Variants in POLN observed in about 807,000 individuals in gnomAD.
The protein encoded by POLN is DNA polymerase N.
A neutral mutation model predicts 113.5 loss-of-function variants in POLN; 108 were observed. The observed-to-expected ratio is 0.95, with a 90% CI of 0.81 to 1.12. The LOEUF (loss-of-function observed/expected upper bound fraction) is 1.12, where lower values mean the gene tolerates loss of function less well. Among genes scored for constraint, POLN ranks in the 50% most tolerant of loss-of-function variants. The pLI is 0.00. For synonymous variants in POLN, 386 were observed against 391.5 expected, an observed-to-expected ratio of 0.99 and a Z score of 0.17; for missense variants, 1,097 against 1,077.1, an observed-to-expected ratio of 1.02 and a Z score of -0.26.
Position 2,159,119 on chromosome 4 carries a change from AC to A in POLN, c.1611+35del, listed in dbSNP as rs745421509. 5.4e-6 allele frequency: 8 copies of A among 1,485,400 alleles called. No individual in the cohort carries two copies. The Admixed American group carries it at 8.4e-5, about 16-fold the overall frequency. The allele number at this position is 1,485,400 out of a possible 1,614,324, so 92.0% of individuals were successfully genotyped here. On this transcript the variant is annotated intron_variant, in intron 14 of 25. Transcript: ENST00000511885. ...CAGGGCCATATGGTTCCCCCTCATC[AC>A]CTTTTACCTTTTACGTACAAAAAAA...
intron 19 of POLN, among the ~76,000 whole-genome samples, chr4:2,113,830 C>T (rs1047792545): frequency 1.1e-4 from 16 of 150,028 alleles, no homozygotes; most frequent in African/African-American, 3.9e-4. Flanking sequence ...TGCGTGCTGG[C>T]CTGGGTGACA....
At chr4:2,123,729 T>C (rs1365882873) in intron 19 of POLN, among the ~76,000 whole-genome samples, 4 of 150,782 alleles carry the variant, frequency 2.7e-5, no homozygotes, top group African/African-American at 9.8e-5. Flanking sequence ...CACTCAAACC[T>C]GGGAGGCAGA....
At chr4:2,128,066 T>G (rs763585942) in intron 19 of POLN, 47 bp downstream of exon 19, 2 of 1,223,602 alleles carry the variant, frequency 1.6e-6, no homozygotes, top group South Asian at 2.5e-5. Context: ...TAAACTCATG[T>G]TGGCCTTCCT....
intron 5 of POLN, among the ~76,000 whole-genome samples, chr4:2,206,619 T>G (rs1249274640): frequency 6.6e-6 from 1 of 152,180 alleles, no homozygotes; most frequent in Non-Finnish European, 1.5e-5. Context: ...AAAGAAGATA[T>G]ACAACTGGCC....
At chr4:2,225,936 G>C (rs780622955) in intron 3 of POLN, among the ~76,000 whole-genome samples, 1 of 151,968 alleles carries the variant, frequency 6.6e-6, no homozygotes, top group African/African-American at 2.4e-5. Context: ...GGGAGGTTCA[G>C]GCTGCAATGA....
At position 2,156,950 on chromosome 4, in the gene POLN, C is replaced by A. The variant is rs547193000; in HGVS notation, c.1666-97G>T. 41 of 1,005,714 alleles carry A rather than the reference C, an allele frequency of 4.1e-5. No individual in the cohort carries two copies. The African/African-American group carries it at 4.7e-4, about 11-fold the overall frequency. The allele number at this position is 1,005,714 out of a possible 1,614,324, so 62.3% of individuals were successfully genotyped here. A position where few individuals can be genotyped will look rare whatever the true frequency, so the allele number is the denominator to read the frequency against. ...CACTCACAACATGCAACACTCGCTGCTCCTCCAGAGGCCAACAAGCTGCTG... is the reference window on the plus strand; with the variant it reads ...CACTCACAACATGCAACACTCGCTGATCCTCCAGAGGCCAACAAGCTGCTG... On this transcript the variant is annotated intron_variant, in intron 15 of 25. Transcript: ENST00000511885.
intron 16 of POLN, among the ~76,000 whole-genome samples, chr4:2,147,632 G>GTTTTTTTTTTTTTTTTTTTTTTTTTTT (rs1047968546): frequency 1.8e-5 from 1 of 56,382 alleles, no homozygotes. Context: ...CAGACATCCA[G>GTTTTTTTTTTTTTTTTTTTTTTTTTTT]TTTTTCTTTT....
intron 7 of POLN, among the ~76,000 whole-genome samples, chr4:2,190,385 T>C (rs1279188326): frequency 6.6e-6 from 1 of 151,866 alleles, no homozygotes; most frequent in Non-Finnish European, 1.5e-5. Flanking sequence ...CAAATCAAAA[T>C]GGATTAAGGA....
chr4:2,081,348 C>T, intron 22 of POLN: 1 of 681,994 alleles, frequency 1.5e-6, no homozygotes, highest in Non-Finnish European at 2.4e-6. Flanking sequence ...TCTCCTAAAC[C>T]ATAGAAGCCT....
intron 19 of POLN, among the ~76,000 whole-genome samples, chr4:2,125,155 G>T (rs985843538): frequency 2.6e-5 from 4 of 152,062 alleles, no homozygotes; most frequent in African/African-American, 9.7e-5. Flanking sequence ...ATGGATGAAG[G>T]CTGCCATGTA....
chr4:2,149,429 A>G (rs1732233669), intron 16 of POLN, among the ~76,000 whole-genome samples: 1 of 152,214 alleles, frequency 6.6e-6, no homozygotes, highest in Non-Finnish European at 1.5e-5. Flanking sequence ...AATGCAGGAA[A>G]TGTTAAAGGA....
chr4:2,191,391 T>C (rs10012569), intron 7 of POLN, among the ~76,000 whole-genome samples: 3,683 of 152,224 alleles, frequency 0.024, 145 homozygotes, highest in African/African-American at 0.083. Context: ...AATACATAGT[T>C]AGGCAGAAGA....
In POLN at chr4:2,090,136, C is replaced by T. The variant is rs1730631950; in HGVS notation, c.2066-4392G>A. 33 of 1,035,364 alleles carry T rather than the reference C, an allele frequency of 3.2e-5. No homozygotes were observed. In the East Asian group the frequency reaches 8.5e-4, roughly 27 times the overall value. The allele number at this position is 1,035,364 out of a possible 1,614,324, so 64.1% of individuals were successfully genotyped here. A position where few individuals can be genotyped will look rare whatever the true frequency, so the allele number is the denominator to read the frequency against. On this transcript the variant is annotated intron_variant, in intron 20 of 25. Transcript: ENST00000511885. The stretch of plus-strand genomic sequence containing the variant: ...ATGATTTGCTAACTGAGGATAAGAA[C>T]TTTGAACATTATCAGCTGAAACTTC...
In POLN at chr4:2,213,124, T is replaced by C. The variant is rs780155859; in HGVS notation, c.136A>G (p.Met46Val). ...SKTWGKSTETMEVINKSSVKY... is the reference protein window; with the variant it reads ...SKTWGKSTETVEVINKSSVKY... ...ACACTGGACTTGTTTATCACTTCCA[T>C]AGCTTTTAAAAACAACAAAAAAGAA... is the stretch of plus-strand genomic sequence containing the variant. Residue 46 changes from methionine (M) to valine (V), a missense_variant and splice_region_variant, in exon 4 of 26, where the codon ATG becomes GTG. Physicochemically the swap from Met to Val is conservative, Grantham distance 21. Coordinates refer to ENST00000511885, the MANE Select transcript of POLN (RefSeq NM_181808.4). 9 of 1,589,286 alleles carry C rather than the reference T, an allele frequency of 5.7e-6. No individual in the cohort carries two copies. The highest frequency in any genetic ancestry group is 5.4e-5 in the Admixed American group (3 of 55,410).
At chr4:2,200,524 C>G (rs554592975) in intron 5 of POLN, among the ~76,000 whole-genome samples, 1 of 152,198 alleles carries the variant, frequency 6.6e-6, no homozygotes, top group African/African-American at 2.4e-5. Flanking sequence ...GACCCACAGA[C>G]GGTTCACATC....
At chr4:2,173,908 T>G (rs769354780) in intron 11 of POLN, 47 bp downstream of exon 11, 3 of 1,549,510 alleles carry the variant, frequency 1.9e-6, no homozygotes, top group Non-Finnish European at 2.7e-6. Flanking sequence ...AACTATCTCA[T>G]GCAGGAAAGA....
chr4:2,122,396 G>A (rs543366307), intron 19 of POLN, among the ~76,000 whole-genome samples: 18 of 152,322 alleles, frequency 1.2e-4, no homozygotes, highest in African/African-American at 3.6e-4. Flanking sequence ...CACAGAGAAA[G>A]GGAGGCAAGT....
intron 2 of POLN, among the ~76,000 whole-genome samples, chr4:2,236,761 G>A (rs921595337): frequency 1.2e-4 from 18 of 151,880 alleles, no homozygotes; most frequent in African/African-American, 4.4e-4. Flanking sequence ...TACTCCGGAG[G>A]CTGAGGCAGG....
rs565232168 is a variant in POLN at position 2,149,833 on chromosome 4, T to C, written c.1731+6955A>G. Reference sequence around the variant, plus strand: ...GCGCGTTGACTCACACCTGTAATCCTAGCACTTTGGGAGGCCAAGGAGGGC... The same window carrying C: ...GCGCGTTGACTCACACCTGTAATCCCAGCACTTTGGGAGGCCAAGGAGGGC... On this transcript the variant is annotated intron_variant, in intron 16 of 25. Coordinates refer to ENST00000511885, the MANE Select transcript of POLN (RefSeq NM_181808.4). Among the ~76,000 whole-genome samples the C allele has an allele frequency of 4.0e-5, 6 of 151,838 alleles. 1 individual carries two copies. The highest frequency in any genetic ancestry group is 9.7e-5 in the African/African-American group (4 of 41,398).
Sources: allele counts gnomAD v4.1 joint callset (sites outside exome capture counted in the v4.1 genomes callset), GRCh38; gene constraint gnomAD v4.1.1; transcripts MANE v1.5; gene names NCBI Gene and HGNC (gene_info 2026-07-23, HGNC 2026-07-21).